The following DPP6 variants were observed in gnomAD, a reference collection of about 807,000 sequenced individuals.
DPP6 encodes the protein A-type potassium channel modulatory protein DPP6.
DPP6 carries 69 observed loss-of-function variants against 122.6 expected under a neutral mutation model. That is an observed-to-expected ratio of 0.56 (90% CI 0.46 to 0.69). The LOEUF is 0.69. Ranked by LOEUF, DPP6 falls within the 30% of genes least tolerant of loss-of-function variation. The probability of loss-of-function intolerance (pLI) is 0.00; values close to 1 mark genes in which losing one functional copy is unlikely to be tolerated. For missense variants in DPP6, 928 were observed against 1,116.9 expected, an observed-to-expected ratio of 0.83 and a Z score of 2.41; for synonymous variants, 418 against 433.1, an observed-to-expected ratio of 0.97 and a Z score of 0.43.
intron 6 of DPP6, among the ~76,000 whole-genome samples, chr7:154,647,913 C>G (rs928017531): frequency 1.3e-5 from 2 of 151,888 alleles, no homozygotes; most frequent in Non-Finnish European, 2.9e-5. Context: ...GTGGCCAAGC[C>G]TGGTTCATGT....
chr7:154,679,753 T>C (rs1301026811), intron 7 of DPP6, among the ~76,000 whole-genome samples: 1 of 152,214 alleles, frequency 6.6e-6, no homozygotes, highest in Non-Finnish European at 1.5e-5. Flanking sequence ...GTATTCATTG[T>C]AAAAACATTC....
chr7:154,570,332 G>A (rs1831030498), intron 5 of DPP6, among the ~76,000 whole-genome samples: 2 of 151,976 alleles, frequency 1.3e-5, no homozygotes, highest in South Asian at 4.1e-4. Context: ...TAATTGCAAT[G>A]TTATATCATT....
In DPP6 at chr7:154,277,593, A is replaced by G. The variant is rs181648513; in HGVS notation, c.244-168621A>G. On this transcript the variant is annotated intron_variant, in intron 1 of 25. Coordinates refer to ENST00000377770, the MANE Select transcript of DPP6 (RefSeq NM_130797.4). ...AGCCTGGCCAACATGGTGAAACCCC[A>G]TCTCTACTAAAAATACAAAAGATTA... is the stretch of plus-strand genomic sequence containing the variant. Among the ~76,000 whole-genome samples the G allele has an allele frequency of 3.5e-3, 534 of 152,210 alleles. 3 individuals are homozygous for G. The highest frequency in any genetic ancestry group is 0.012 in the African/African-American group (513 of 41,520).
At chr7:154,122,222 G>A (rs1807526648) in intron 1 of DPP6, among the ~76,000 whole-genome samples, 2 of 152,134 alleles carry the variant, frequency 1.3e-5, no homozygotes, top group African/African-American at 4.8e-5. Flanking sequence ...CATCACAGAC[G>A]GATCACCACA....
At chr7:154,609,073 G>A (rs1833750862) in intron 5 of DPP6, among the ~76,000 whole-genome samples, 1 of 152,190 alleles carries the variant, frequency 6.6e-6, no homozygotes, top group Non-Finnish European at 1.5e-5. Flanking sequence ...CAGACCTGCT[G>A]CCCCACTAGC....
At chr7:154,540,352 T>A (rs988683273) in intron 3 of DPP6, among the ~76,000 whole-genome samples, 180 bp from the exon 4 acceptor site, 1 of 152,178 alleles carries the variant, frequency 6.6e-6, no homozygotes, top group Admixed American at 6.5e-5. Context: ...GAGAGAAGCA[T>A]CATGTGAGGC....
chr7:154,792,906 C>A lies in DPP6; in HGVS notation c.1137-1173C>A, dbSNP rs10274001. Among the ~76,000 whole-genome samples, 886 of 152,316 alleles carry A rather than the reference C, an allele frequency of 5.8e-3. 10 individuals are homozygous for A. The highest frequency in any genetic ancestry group is 0.02 in the African/African-American group (846 of 41,574). On this transcript the variant is annotated intron_variant, in intron 10 of 25. Coordinates refer to ENST00000377770, the MANE Select transcript of DPP6 (RefSeq NM_130797.4). Reference sequence around the variant, plus strand: ...CCAGCAGCCGCCTGTCTTAGGCCCTCACCTGCTTGCCGCTGTTCCTTCTGT... The same window carrying A: ...CCAGCAGCCGCCTGTCTTAGGCCCTAACCTGCTTGCCGCTGTTCCTTCTGT...
chr7:154,461,445 T>C (rs1003648350), intron 2 of DPP6, among the ~76,000 whole-genome samples: 1 of 152,224 alleles, frequency 6.6e-6, no homozygotes, highest in Admixed American at 6.5e-5. Flanking sequence ...ACTTCCAAAC[T>C]CTTCTCCATG....
In DPP6 at chr7:154,224,190, C is replaced by T. The variant is rs554644462; in HGVS notation, c.243+171127C>T. ...TGGTTGAGTGGAGAGAAATGGACAA[C>T]GTTAAGAGATACTATGATGTAAAAT... On this transcript the variant is annotated intron_variant, in intron 1 of 25. Transcript: ENST00000377770. Among the ~76,000 whole-genome samples the T allele has an allele frequency of 5.7e-4, 84 of 148,672 alleles. 5 individuals are homozygous for T. In the South Asian group the frequency reaches 0.015, roughly 27 times the overall value.
In DPP6 at chr7:154,483,495, G is replaced by C. The variant is rs1823510184; in HGVS notation, c.457+8458G>C. 6.6e-6 allele frequency among the ~76,000 whole-genome samples: 1 copy of C among 152,098 alleles called. No individual in the cohort carries two copies. Among genetic ancestry groups the C allele is most frequent in the Admixed American group, 6.5e-5 (1 of 15,282 alleles). On this transcript the variant is annotated intron_variant, in intron 3 of 25. Transcript: ENST00000377770. This position sits in a 1 kb window ranked among gnomAD's most constrained non-coding sequence, Gnocchi z 8.1. ...TTCTACCAAGGGAACAAGGGAGAAG[G>C]CTTTTACAGAACAAAGACAGAAGCA...
chr7:154,724,672 A>G (rs918205622), intron 7 of DPP6, among the ~76,000 whole-genome samples: 1 of 151,810 alleles, frequency 6.6e-6, no homozygotes, highest in African/African-American at 2.4e-5. Context: ...TGAGTATCCC[A>G]TCTTGCCCCT....
chr7:154,650,120 G>A (rs779794301), intron 6 of DPP6, among the ~76,000 whole-genome samples: 165 of 152,100 alleles, frequency 1.1e-3, no homozygotes, highest in Non-Finnish European at 4.0e-4. Context: ...AGGAGTTTGA[G>A]ACCAGCCTGG....
intron 1 of DPP6, among the ~76,000 whole-genome samples, chr7:154,014,755 C>T (rs1798323850): frequency 6.6e-6 from 1 of 152,238 alleles, no homozygotes; most frequent in South Asian, 2.1e-4. Flanking sequence ...CTTGATACCC[C>T]TCCACGTTCT....
chr7:154,245,653 G>A (rs1318197030), intron 1 of DPP6, among the ~76,000 whole-genome samples: 43 of 104,668 alleles, frequency 4.1e-4, no homozygotes, highest in Non-Finnish European at 5.7e-4. Context: ...AAAAAAAAAA[G>A]CTATGGCTAT....
At chr7:154,059,824 C>T (rs1349080770) in intron 1 of DPP6, among the ~76,000 whole-genome samples, 4 of 151,500 alleles carry the variant, frequency 2.6e-5, no homozygotes, top group African/African-American at 9.8e-5. Flanking sequence ...TAGCCTACGT[C>T]TCTAAACAAC....
At chr7:153,780,263 T>A in the DPP6 span, among the ~76,000 whole-genome samples, 2 of 152,146 alleles carry the variant, frequency 1.3e-5, no homozygotes, top group Admixed American at 1.3e-4. Context: ...CTCCTTCAAA[T>A]AGAGAAATGA....
At chr7:154,650,752 G>C (rs1336682049) in intron 6 of DPP6, among the ~76,000 whole-genome samples, 1 of 152,154 alleles carries the variant, frequency 6.6e-6, no homozygotes, top group Non-Finnish European at 1.5e-5. Context: ...AAAGAAACCA[G>C]ATAAAATTCG....
chr7:154,885,695 A>G lies in DPP6; in HGVS notation c.2196A>G (p.Thr732=). The G allele has an allele frequency of 6.3e-7, 1 of 1,599,604 alleles. No individual in the cohort carries two copies. The highest frequency in any genetic ancestry group is 1.1e-5 in the South Asian group (1 of 88,040). Residue 732 remains threonine, a synonymous_variant, in exon 22 of 26, where the codon ACA becomes ACG. Coordinates refer to ENST00000377770, the MANE Select transcript of DPP6 (RefSeq NM_130797.4). ...LPAKGENQGQ[T]FTCGSALSPI... ...CAAAGGGAGAAAATCAAGGCCAGAC[A>G]TTCACCTGCGGCTCTGCTCTCTCTC... is the stretch of plus-strand genomic sequence containing the variant.
chr7:154,247,291 C>T (rs760558117), intron 1 of DPP6, among the ~76,000 whole-genome samples: 14 of 151,868 alleles, frequency 9.2e-5, no homozygotes, highest in African/African-American at 1.5e-4. Context: ...CCAGCCTGGG[C>T]GACAGAGTGA....
Sources: allele counts gnomAD v4.1 joint callset (sites outside exome capture counted in the v4.1 genomes callset), GRCh38; gene constraint gnomAD v4.1.1; non-coding constraint Gnocchi (gnomAD v3.1); transcripts MANE v1.5; gene names NCBI Gene and HGNC (gene_info 2026-07-23, HGNC 2026-07-21).